Variants in MAPRE2 observed in about 807,000 individuals in gnomAD.
MAPRE2 encodes microtubule-associated protein RP/EB family member 2.
In MAPRE2, 13 loss-of-function variants were observed where a neutral mutation model predicts 43.2. That is an observed-to-expected ratio of 0.30 (90% confidence interval 0.20 to 0.48). MAPRE2 has a LOEUF of 0.48. MAPRE2 is among the 20% of genes least tolerant of loss of function. MAPRE2 has a pLI of 0.99. For missense variants in MAPRE2, 161 were observed against 400.2 expected (o/e 0.40, Z 5.10); for synonymous variants, 135 against 148.8 (o/e 0.91, Z 0.68).
chr18:35,061,418 T>A (rs1906520651), intron 1 of MAPRE2, among the ~76,000 whole-genome samples: 1 of 152,346 alleles, frequency 6.6e-6, no homozygotes, highest in East Asian at 1.9e-4. Flanking sequence ...GTCCTGATAT[T>A]TCTCCATCAT....
intron 1 of MAPRE2, among the ~76,000 whole-genome samples, chr18:35,059,911 A>G (rs541223326): frequency 6.6e-6 from 1 of 152,348 alleles, no homozygotes; most frequent in East Asian, 1.9e-4. Context: ...CTGAGAAGGA[A>G]CTAGCACCAC....
At chr18:35,013,448 T>C (rs1228216108) in intron 2 of MAPRE2, among the ~76,000 whole-genome samples, 3 of 152,360 alleles carry the variant, frequency 2.0e-5, no homozygotes, top group African/African-American at 4.8e-5. Flanking sequence ...TGTTTTGATA[T>C]GTATAATGTA....
chr18:35,059,006 A>G (rs1906382386), intron 1 of MAPRE2, among the ~76,000 whole-genome samples: 1 of 152,132 alleles, frequency 6.6e-6, no homozygotes, highest in African/African-American at 2.4e-5. Context: ...CCTACATAAC[A>G]TAAAAGCAGC....
chr18:35,137,320 G>A (rs2144260544), intron 6 of MAPRE2, among the ~76,000 whole-genome samples: 1 of 152,338 alleles, frequency 6.6e-6, no homozygotes, highest in Non-Finnish European at 1.5e-5. Context: ...GCATCTGGAA[G>A]CCTCAGAGCC....
chr18:35,032,552 C>T (rs1056546598), intron 2 of MAPRE2, among the ~76,000 whole-genome samples: 6 of 152,176 alleles, frequency 3.9e-5, no homozygotes, highest in African/African-American at 1.4e-4. Flanking sequence ...TTTGTACTCT[C>T]TGGCCTAAGT....
At chr18:35,043,456 A>G (rs1905465753) in intron 1 of MAPRE2, among the ~76,000 whole-genome samples, 1 of 152,212 alleles carries the variant, frequency 6.6e-6, no homozygotes, top group Non-Finnish European at 1.5e-5. Context: ...AAATCATTTG[A>G]CAGAAAGGTT....
At chr18:35,023,893 A>G (rs1260435246) in intron 2 of MAPRE2, among the ~76,000 whole-genome samples, 1 of 152,182 alleles carries the variant, frequency 6.6e-6, no homozygotes, top group Non-Finnish European at 1.5e-5. Flanking sequence ...AGGATAGCTG[A>G]GGAATCAAAA....
intron 1 of MAPRE2, among the ~76,000 whole-genome samples, chr18:35,064,571 A>T (rs1906739752): frequency 6.6e-6 from 1 of 152,212 alleles, no homozygotes; most frequent in Admixed American, 6.5e-5. Flanking sequence ...AATAATTCAC[A>T]AACCTTGCCA....
chr18:35,052,030 T>C (rs1428839954), intron 1 of MAPRE2, among the ~76,000 whole-genome samples: 1 of 152,350 alleles, frequency 6.6e-6, no homozygotes, highest in East Asian at 1.9e-4. Flanking sequence ...AAATTGAACC[T>C]GGAAAAAAGT....
In MAPRE2 at chr18:35,140,828, C is replaced by G. The variant is rs1910602060; in HGVS notation, c.*459C>G. The G allele has an allele frequency of 6.4e-6, 1 of 155,400 alleles. No individual in the cohort carries two copies. Among genetic ancestry groups the G allele is most frequent in the Non-Finnish European group, 1.4e-5 (1 of 70,004 alleles). The allele number at this position is 155,400 out of a possible 1,614,324, so 9.6% of individuals were successfully genotyped here. On this transcript the variant is annotated 3_prime_UTR_variant, in exon 7 of 7. Coordinates refer to ENST00000300249, the MANE Select transcript of MAPRE2 (RefSeq NM_014268.4). Reference sequence around the variant, plus strand: ...GATGTTTGCAAGTCTAACCTCTGAACATAAATTTGGTCAAATAATTGGAAC... The same window carrying G: ...GATGTTTGCAAGTCTAACCTCTGAAGATAAATTTGGTCAAATAATTGGAAC...
chr18:35,113,275 T>G (rs1909262635), intron 4 of MAPRE2, among the ~76,000 whole-genome samples: 1 of 152,198 alleles, frequency 6.6e-6, no homozygotes, highest in Non-Finnish European at 1.5e-5. Flanking sequence ...ATTCTGGAGT[T>G]TCAAATAGGA....
intron 4 of MAPRE2, among the ~76,000 whole-genome samples, chr18:35,105,638 C>T (rs1908870301): frequency 6.6e-6 from 1 of 151,946 alleles, no homozygotes; most frequent in South Asian, 2.1e-4. Flanking sequence ...GGTACTTACC[C>T]AGAGTGTGTT....
chr18:35,095,704 C>G (rs1483869136), intron 2 of MAPRE2, among the ~76,000 whole-genome samples: 1 of 152,044 alleles, frequency 6.6e-6, no homozygotes, highest in Non-Finnish European at 1.5e-5. Flanking sequence ...TCAACAATCC[C>G]ATCCATATAA....
chr18:35,087,477 T>C (rs992284401), intron 2 of MAPRE2, among the ~76,000 whole-genome samples: 2 of 152,214 alleles, frequency 1.3e-5, no homozygotes, highest in Admixed American at 1.3e-4. Flanking sequence ...TCTAGGGTCA[T>C]TCTTATATTT....
At chr18:35,078,030 A>C (rs1482608819) in intron 2 of MAPRE2, among the ~76,000 whole-genome samples, 1 of 152,132 alleles carries the variant, frequency 6.6e-6, no homozygotes, top group Non-Finnish European at 1.5e-5. Context: ...CTTTCAGTTT[A>C]GATTATCTAA....
chr18:35,092,146 A>G (rs1908181025), intron 2 of MAPRE2, among the ~76,000 whole-genome samples: 2 of 152,206 alleles, frequency 1.3e-5, no homozygotes, highest in Admixed American at 6.5e-5. Context: ...TCACCCATTC[A>G]TGAGAAACTG....
At chr18:35,122,116 T>C (rs1209805860) in intron 4 of MAPRE2, among the ~76,000 whole-genome samples, 1 of 152,220 alleles carries the variant, frequency 6.6e-6, no homozygotes, top group Non-Finnish European at 1.5e-5. Flanking sequence ...CTTTTATTTA[T>C]TCTGAAAAAG....
chr18:35,103,621 G>A (rs1465275783), intron 4 of MAPRE2, among the ~76,000 whole-genome samples: 1 of 152,150 alleles, frequency 6.6e-6, no homozygotes, highest in Non-Finnish European at 1.5e-5. Flanking sequence ...GAAGCTGGAA[G>A]CAAATACTGA....
In MAPRE2 at chr18:35,070,280, A is replaced by G; in HGVS notation, c.208A>G (p.Ile70Val). Residue 70 changes from isoleucine to valine, a missense_variant, in exon 2 of 7, where the codon ATA becomes GTA. By Grantham distance (29) the Ile-to-Val change is conservative (BLOSUM62 3). This residue lies in a region of MAPRE2 where 65 missense variants were observed against 246.9 expected (regional missense o/e 0.26). Coordinates refer to ENST00000300249, the MANE Select transcript of MAPRE2 (RefSeq NM_014268.4). ...RHDIIAWVNDIVSLNYTKVEQ... is the reference protein window; with the variant it reads ...RHDIIAWVNDVVSLNYTKVEQ... ...TGACATCATTGCATGGGTTAATGAC[A>G]TAGTATCTTTAAACTACACAAAAGT... 6.2e-7 allele frequency: 1 copy of G among 1,611,328 alleles called. No individual in the cohort carries two copies. The highest frequency in any genetic ancestry group is 8.5e-7 in the Non-Finnish European group (1 of 1,178,574).
Sources: gnomAD v4.1 joint callset for allele counts (sites outside exome capture counted in the v4.1 genomes callset) on GRCh38, gnomAD v4.1.1 for gene constraint, gnomAD v4.1.1 regional missense constraint, MANE v1.5 for transcripts, NCBI Gene and HGNC (gene_info 2026-07-23, HGNC 2026-07-21) for gene names.